LRRC53: variants seen among roughly 807,000 people sequenced by gnomAD.
LRRC53 encodes the protein leucine rich repeat containing 53, also known as leucine-rich repeat-containing protein 53.
In LRRC53, 25 loss-of-function variants were observed where a neutral mutation model predicts 13.6. The ratio of observed to expected loss-of-function variants is 1.83; its 90% confidence interval spans 1.34 to 2.56. LRRC53 has a LOEUF of 2.56. Among genes scored for constraint, LRRC53 ranks in the 30% most tolerant of loss-of-function variants. The pLI, the probability that LRRC53 is intolerant of heterozygous loss-of-function variation, is 0.00. For missense variants in LRRC53, 527 were observed against 275.8 expected (o/e 1.91, Z -6.45); for synonymous variants, 204 against 109.8 (o/e 1.86, Z -5.37).
At position 74,471,793 on chromosome 1, in the gene LRRC53, A is replaced by G. The variant is rs1181811803; in HGVS notation, c.1829T>C (p.Ile610Thr). ...EKEQIQINSA[I>T]EKFLMSEDNI... ...GTCCTCACTCATAAGAAATTTTTCT[A>G]TTGCACTGTTAATTTGGATTTGCTC... Residue 610 changes from isoleucine to threonine, a missense_variant, in exon 5 of 5, where the codon ATA becomes ACA. By Grantham distance (89) the Ile-to-Thr change is moderately conservative. Coordinates refer to ENST00000294635, the MANE Select transcript of LRRC53 (RefSeq NM_001382280.1). The G allele has an allele frequency of 2.3e-6, 1 of 426,118 alleles. No homozygotes were observed. The highest frequency in any genetic ancestry group is 2.0e-5 in the African/African-American group (1 of 49,074). 26.4% of individuals were successfully genotyped at this position (426,118 alleles called of 1,614,324 possible).
chr1:74,497,518 C>CT (rs1259897733), intron 1 of LRRC53, among the ~76,000 whole-genome samples: 1 of 151,892 alleles, frequency 6.6e-6, no homozygotes, highest in Non-Finnish European at 1.5e-5. Context: ...CATGGGTCTT[C>CT]TTGTTGTTTC....
At chr1:74,493,910 T>C (rs1380078378) in intron 1 of LRRC53, among the ~76,000 whole-genome samples, 1 of 152,160 alleles carries the variant, frequency 6.6e-6, no homozygotes, top group Non-Finnish European at 1.5e-5. Context: ...ACTTGATTTT[T>C]AGTGGGAAGA....
chr1:74,518,574 G>A, the LRRC53 span, among the ~76,000 whole-genome samples: 5 of 152,156 alleles, frequency 3.3e-5, no homozygotes, highest in African/African-American at 9.7e-5. Context: ...TCTACTAATC[G>A]TGACGAAGCT....
chr1:74,471,062 G>A lies in LRRC53; in HGVS notation c.2560C>T (p.His854Tyr), dbSNP rs1667903781. 1.5e-5 allele frequency: 6 copies of A among 400,634 alleles called. No homozygotes were observed. The South Asian group carries it at 7.5e-4, about 50-fold the overall frequency. The allele number at this position is 400,634 out of a possible 1,614,324, so 24.8% of individuals were successfully genotyped here. Reference protein sequence around the residue: ...TPTDAEHRHSHSQFSTEQMED... With the variant: ...TPTDAEHRHSYSQFSTEQMED... Reference sequence around the variant, plus strand: ...ATTTGCTCAGTTGAGAATTGAGAATGTGAGTGCCTGTGCTCAGCATCAGTG... The same window carrying A: ...ATTTGCTCAGTTGAGAATTGAGAATATGAGTGCCTGTGCTCAGCATCAGTG... Residue 854 changes from histidine to tyrosine, a missense_variant, in exon 5 of 5, where the codon CAT becomes TAT. Transcript: ENST00000294635.
chr1:74,528,661 TG>T, the LRRC53 span, among the ~76,000 whole-genome samples: 3 of 152,210 alleles, frequency 2.0e-5, no homozygotes, highest in African/African-American at 7.2e-5. Context: ...GGTTTGGAAC[TG>T]GAGATGTTGC....
In LRRC53 at chr1:74,508,924, C is replaced by T. The variant is rs149940852; in HGVS notation, c.-27+3602G>A. 1.2e-3 allele frequency among the ~76,000 whole-genome samples: 181 copies of T among 152,238 alleles called. 1 individual carries two copies. Among genetic ancestry groups the T allele is most frequent in the African/African-American group, 4.2e-3 (174 of 41,558 alleles). ...GGGTCTGCAGAAAATTCATATAAAA[C>T]ACTTAATATCATCCCTGAGAAACTT... On this transcript the variant is annotated intron_variant, in intron 1 of 4. Coordinates refer to ENST00000294635, the MANE Select transcript of LRRC53 (RefSeq NM_001382280.1).
intron 1 of LRRC53, among the ~76,000 whole-genome samples, chr1:74,499,950 A>G (rs916281427): frequency 6.6e-6 from 1 of 151,766 alleles, no homozygotes; most frequent in East Asian, 1.9e-4. Flanking sequence ...TCTGTCTAGT[A>G]TTTTTTCTCA....
At chr1:74,494,423 G>T (rs746104441) in intron 1 of LRRC53, among the ~76,000 whole-genome samples, 1 of 152,128 alleles carries the variant, frequency 6.6e-6, no homozygotes, top group African/African-American at 2.4e-5. Flanking sequence ...TTAAGTATTA[G>T]TAGGTTTGAT....
intron 1 of LRRC53, among the ~76,000 whole-genome samples, chr1:74,505,189 C>G (rs1275834920): frequency 6.6e-6 from 1 of 152,198 alleles, no homozygotes; most frequent in East Asian, 1.9e-4. Context: ...GAAAGTAAGA[C>G]TTGGCCCAAA....
chr1:74,511,351 C>A (rs1227942746), intron 1 of LRRC53, among the ~76,000 whole-genome samples: 1 of 152,158 alleles, frequency 6.6e-6, no homozygotes, highest in Non-Finnish European at 1.5e-5. Context: ...CGTCACTACA[C>A]CCTGCTAATT....
the LRRC53 span, among the ~76,000 whole-genome samples, chr1:74,522,272 T>C: frequency 8.0e-3 from 1,211 of 152,294 alleles, 19 homozygotes; most frequent in African/African-American, 0.027. Flanking sequence ...TTGGAGCTGC[T>C]GCTTGTACTT....
chr1:74,500,563 C>T (rs1244980958), intron 1 of LRRC53, among the ~76,000 whole-genome samples: 1 of 123,460 alleles, frequency 8.1e-6, no homozygotes, highest in Non-Finnish European at 1.6e-5. Flanking sequence ...GAGATCCCGC[C>T]ACTGCACTCC....
intron 1 of LRRC53, among the ~76,000 whole-genome samples, chr1:74,500,179 ATTTT>A (rs1191034533): frequency 6.6e-6 from 1 of 151,972 alleles, no homozygotes; most frequent in East Asian, 1.9e-4. Flanking sequence ...AATTTCCAGT[ATTTT>A]ATCTTCATCA....
In LRRC53 at chr1:74,474,475, A is replaced by C. The variant is rs144117179; in HGVS notation, c.1420+820T>G. 2.0e-5 allele frequency among the ~76,000 whole-genome samples: 3 copies of C among 152,236 alleles called. No individual in the cohort carries two copies. The East Asian group carries it at 5.8e-4, about 29-fold the overall frequency. On this transcript the variant is annotated intron_variant, in intron 4 of 4. Coordinates refer to ENST00000294635, the MANE Select transcript of LRRC53 (RefSeq NM_001382280.1). ...TCCAGTCGCCCCAAAATGCATCCTT[A>C]GGGCCAGACCCCTGTGGTAAGAATT...
the LRRC53 span, among the ~76,000 whole-genome samples, chr1:74,519,759 C>T: frequency 2.6e-5 from 4 of 152,106 alleles, no homozygotes; most frequent in African/African-American, 9.6e-5. Context: ...GGACAAGTAC[C>T]TATAATGAAG....
intron 1 of LRRC53, among the ~76,000 whole-genome samples, chr1:74,503,905 T>G (rs1272542176): frequency 6.6e-6 from 1 of 152,204 alleles, no homozygotes; most frequent in Non-Finnish European, 1.5e-5. Context: ...GTGTTTGGTA[T>G]ACCTCATTAT....
chr1:74,472,461 T>G (rs1667982858), intron 4 of LRRC53, among the ~76,000 whole-genome samples: 1 of 152,296 alleles, frequency 6.6e-6, no homozygotes, highest in South Asian at 2.1e-4. Flanking sequence ...TAAATGTTAT[T>G]TATAGTCATA....
chr1:74,536,056 T>C, the LRRC53 span, among the ~76,000 whole-genome samples: 1 of 152,180 alleles, frequency 6.6e-6, no homozygotes, highest in Non-Finnish European at 1.5e-5. Context: ...AAAACTTCTG[T>C]TTAAATCATT....
chr1:74,478,896 A>G (rs1161193246), intron 3 of LRRC53, among the ~76,000 whole-genome samples: 1 of 152,206 alleles, frequency 6.6e-6, no homozygotes, highest in Non-Finnish European at 1.5e-5. Context: ...AATTACTGAC[A>G]TAGTTACATG....
Sources: allele counts gnomAD v4.1 joint callset (sites outside exome capture counted in the v4.1 genomes callset), GRCh38; gene constraint gnomAD v4.1.1; transcripts MANE v1.5; gene names NCBI Gene and HGNC (gene_info 2026-07-23, HGNC 2026-07-21).